The following SNX22 variants were observed in gnomAD, a reference collection of about 807,000 sequenced individuals.
SNX22 encodes sorting nexin 22.
A neutral mutation model predicts 24.7 loss-of-function variants in SNX22; 23 were observed. The ratio of observed to expected loss-of-function variants is 0.93; its 90% CI spans 0.67 to 1.32. The LOEUF is 1.32. SNX22 is among the 40% of genes most tolerant of loss of function. SNX22 has a pLI of 0.00. For missense variants in SNX22, 261 were observed against 249.9 expected (o/e 1.04, Z -0.30); for synonymous variants, 99 against 104.0 (o/e 0.95, Z 0.29).
At chr15:64,153,609 C>G (rs776532667) in intron 4 of SNX22, 43 bp from the exon 5 acceptor site, 17 of 1,613,798 alleles carry the variant, frequency 1.1e-5, no homozygotes, top group Admixed American at 5.0e-5. Context: ...CTCACGCTCC[C>G]CCGGCATCCC....
rs572442728 is a variant in SNX22 at position 64,153,478 on chromosome 15, AG to A, written c.359+143del. ...TCACCAGCTCTCTTGACCTGGGTGGAGGGGCTTTTTTTTGGACAGACTTGGT... is the reference window on the plus strand; with the variant it reads ...TCACCAGCTCTCTTGACCTGGGTGGAGGGCTTTTTTTTGGACAGACTTGGT... On this transcript the variant is annotated intron_variant, in intron 4 of 6. Transcript: ENST00000325881. 1.6e-4 allele frequency: 231 copies of A among 1,455,968 alleles called. 1 individual carries two copies. In the South Asian group the frequency reaches 1.8e-3, roughly 11 times the overall value. The allele number at this position is 1,455,968 out of a possible 1,614,324, so 90.2% of individuals were successfully genotyped here.
rs766644882 is a variant in SNX22, at chr15:64,152,747, G to A, written c.264+5G>A. Reference sequence around the variant, plus strand: ...GGCTTGGAGGCTTACATCCAGGTATGCGAGAGCACAGTTGGTTGCCCCCCG... The same window carrying A: ...GGCTTGGAGGCTTACATCCAGGTATACGAGAGCACAGTTGGTTGCCCCCCG... On this transcript the variant is annotated splice_donor_5th_base_variant and intron_variant, in intron 3 of 6. Transcript: ENST00000325881. The A allele has an allele frequency of 6.2e-7, 1 of 1,613,704 alleles. No individual in the cohort carries two copies. Among genetic ancestry groups the A allele is most frequent in the Non-Finnish European group, 8.5e-7 (1 of 1,179,642 alleles).
rs759317254 is a variant in SNX22 at position 64,154,956 on chromosome 15, CT to C, written c.*472del. On this transcript the variant is annotated 3_prime_UTR_variant, in exon 7 of 7. Coordinates refer to ENST00000325881, the MANE Select transcript of SNX22 (RefSeq NM_024798.3). Reference sequence around the variant, plus strand: ...TCGGGAAGCTGAGGTAGGAGAATCTCTTTTTTTTTTTTTTTTTTTTTTTTGA... The same window carrying C: ...TCGGGAAGCTGAGGTAGGAGAATCTCTTTTTTTTTTTTTTTTTTTTTTTGA... 0.07 allele frequency: 5,725 copies of C among 81,790 alleles called. 81 individuals carry two copies. The highest frequency in any genetic ancestry group is 0.14 in the African/African-American group (2,652 of 19,060). The allele number at this position is 81,790 out of a possible 1,614,324, so 5.1% of individuals were successfully genotyped here.
At chr15:64,153,738 T>A (rs2081504411) in intron 5 of SNX22, 54 bp downstream of exon 5, 1 of 1,612,204 alleles carries the variant, frequency 6.2e-7, no homozygotes. Flanking sequence ...AGTGGCCATA[T>A]GCTAGGAGGC....
At position 64,155,566 on chromosome 15, in the gene SNX22, G is replaced by A. The variant is rs879825466; in HGVS notation, c.*1058G>A. The A allele has an allele frequency of 4.4e-5, 8 of 183,320 alleles. No individual in the cohort carries two copies. The highest frequency in any genetic ancestry group is 6.8e-5 in the Non-Finnish European group (6 of 88,798). The allele number at this position is 183,320 out of a possible 1,614,324, so 11.4% of individuals were successfully genotyped here. A position where few individuals can be genotyped will look rare whatever the true frequency, so the allele number is the denominator to read the frequency against. ...TAGAGGTAGGCTATGAAAAAGTACA[G>A]ATACATCCCTTAACATAGACTGGAG... is the stretch of plus-strand genomic sequence containing the variant. On this transcript the variant is annotated 3_prime_UTR_variant, in exon 7 of 7. Transcript: ENST00000325881.
intron 6 of SNX22, 152 bp from the exon 7 acceptor site, chr15:64,154,235 T>G: frequency 6.3e-7 from 1 of 1,579,464 alleles, no homozygotes; most frequent in East Asian, 2.3e-5. Context: ...GAAAAGAATG[T>G]GACCTGGGAA....
At position 64,152,601 on chromosome 15, in the gene SNX22, C is replaced by A; in HGVS notation, c.160-37C>A. 4 of 1,588,004 alleles carry A rather than the reference C, an allele frequency of 2.5e-6. No individual in the cohort carries two copies. In the South Asian group the frequency reaches 3.3e-5, roughly 13 times the overall value. On this transcript the variant is annotated intron_variant, in intron 2 of 6. Coordinates refer to ENST00000325881, the MANE Select transcript of SNX22 (RefSeq NM_024798.3). ...GGCGAAGAGGGCTTGAGGGCTCAGT[C>A]GGGATGCTGTGATCGCACGCGGTAA...
chr15:64,151,751 C>T lies in SNX22; in HGVS notation c.-25C>T, dbSNP rs1435684410. ...GAGTTAGGGCTCCGAGCCGAGCGCG[C>T]GGAGCAGCTGGGGCCGGGGCGCGGA... On this transcript the variant is annotated 5_prime_UTR_variant, in exon 1 of 7. Coordinates refer to ENST00000325881, the MANE Select transcript of SNX22 (RefSeq NM_024798.3). 2 of 1,522,150 alleles carry T rather than the reference C, an allele frequency of 1.3e-6. No homozygotes were observed. Among genetic ancestry groups the T allele is most frequent in the South Asian group, 1.2e-5 (1 of 81,504 alleles). 94.3% of individuals were successfully genotyped at this position (1,522,150 alleles called of 1,614,324 possible).
At chr15:64,153,865 C>T (rs2081505169) in intron 5 of SNX22, 70 bp from the exon 6 acceptor site, 3 of 1,591,642 alleles carry the variant, frequency 1.9e-6, no homozygotes, top group Admixed American at 1.7e-5. Flanking sequence ...ATGGCAACCC[C>T]GTCTCCACCC....
Position 64,156,686 on chromosome 15 carries a change from G to A in SNX22, c.*2178G>A. ...CTGGGGTCTGTGTTGAATCCCCGGT[G>A]AGGATTGCCCAGTAGTAGCCCTTGC... On this transcript the variant is annotated 3_prime_UTR_variant, in exon 7 of 7. Transcript: ENST00000325881. The surrounding 1 kb of genome is among the most constrained non-coding windows in gnomAD (Gnocchi z 6.4). 6.2e-7 allele frequency: 1 copy of A among 1,611,662 alleles called. No homozygotes were observed. Among genetic ancestry groups the A allele is most frequent in the Non-Finnish European group, 8.5e-7 (1 of 1,177,744 alleles).
chr15:64,153,241 C>T lies in SNX22; in HGVS notation c.265-4C>T. The T allele has an allele frequency of 6.2e-7, 1 of 1,614,158 alleles. No homozygotes were observed. Among genetic ancestry groups the T allele is most frequent in the South Asian group, 1.1e-5 (1 of 91,078 alleles). On this transcript the variant is annotated splice_polypyrimidine_tract_variant and splice_region_variant and intron_variant, in intron 3 of 6. Transcript: ENST00000325881. Reference sequence around the variant, plus strand: ...TGATTGCAGGTCTCCTCTGTCCTCTCCAGGGCATCCTGTACCTGAACCAGG... The same window carrying T: ...TGATTGCAGGTCTCCTCTGTCCTCTTCAGGGCATCCTGTACCTGAACCAGG...
In SNX22 at chr15:64,156,361, AC is replaced by A. The variant is rs2081531473; in HGVS notation, c.*1856del. The A allele has an allele frequency of 2.1e-5, 15 of 703,598 alleles. No homozygotes were observed. In the South Asian group the frequency reaches 2.4e-4, roughly 11 times the overall value. 43.6% of individuals were successfully genotyped at this position (703,598 alleles called of 1,614,324 possible). A position where few individuals can be genotyped will look rare whatever the true frequency, so the allele number is the denominator to read the frequency against. On this transcript the variant is annotated 3_prime_UTR_variant, in exon 7 of 7. Coordinates refer to ENST00000325881, the MANE Select transcript of SNX22 (RefSeq NM_024798.3). The surrounding 1 kb of genome is among the most constrained non-coding windows in gnomAD (Gnocchi z 6.4). The stretch of plus-strand genomic sequence containing the variant: ...AGGAATTTTGTTCCTTTGAAGTAAG[AC>A]CCAGGTTGGGCCAAGGGTGAGGAGG...
chr15:64,153,413 C>A, intron 4 of SNX22, 74 bp downstream of exon 4: 1 of 1,596,750 alleles, frequency 6.3e-7, no homozygotes, highest in South Asian at 1.1e-5. Flanking sequence ...GAGGGCAAGC[C>A]CTTTCTTTTC....
rs780409157 is a variant in SNX22 at position 64,156,888 on chromosome 15, C to T, written c.*2380C>T. The T allele has an allele frequency of 2.5e-6, 4 of 1,614,136 alleles. No individual in the cohort carries two copies. Among genetic ancestry groups the T allele is most frequent in the South Asian group, 2.2e-5 (2 of 91,080 alleles). On this transcript the variant is annotated 3_prime_UTR_variant, in exon 7 of 7. Coordinates refer to ENST00000325881, the MANE Select transcript of SNX22 (RefSeq NM_024798.3). The surrounding 1 kb of genome is among the most constrained non-coding windows in gnomAD (Gnocchi z 6.4). ...CAGTTTGAAGTTCTCATCGGGGAAG[C>T]GCTCACCGTAGATGCTCTTTCCTGG...
chr15:64,152,555 C>T, intron 2 of SNX22, 83 bp from the exon 3 acceptor site: 3 of 1,388,072 alleles, frequency 2.2e-6, no homozygotes, highest in Non-Finnish European at 3.0e-6. Context: ...AAGGCGGGGG[C>T]GCGGGAGGGC....
intron 2 of SNX22, 48 bp from the exon 3 acceptor site, chr15:64,152,590 G>C (rs1288740856): frequency 6.4e-7 from 1 of 1,562,638 alleles, no homozygotes; most frequent in East Asian, 2.3e-5. Context: ...AAGAGGGCTT[G>C]AGGGCTCAGT....
At chr15:64,153,595 C>A in intron 4 of SNX22, 57 bp from the exon 5 acceptor site, 2 of 1,610,388 alleles carry the variant, frequency 1.2e-6, no homozygotes, top group Non-Finnish European at 1.7e-6. Context: ...GTCTCCACCC[C>A]TTCCTCACGC....
chr15:64,154,617 C>T lies in SNX22; in HGVS notation c.*109C>T, dbSNP rs1170650459. 2 of 1,401,766 alleles carry T rather than the reference C, an allele frequency of 1.4e-6. No individual in the cohort carries two copies. Among genetic ancestry groups the T allele is most frequent in the Non-Finnish European group, 1.9e-6 (2 of 1,030,010 alleles). 86.8% of individuals were successfully genotyped at this position (1,401,766 alleles called of 1,614,324 possible). On this transcript the variant is annotated 3_prime_UTR_variant, in exon 7 of 7. Coordinates refer to ENST00000325881, the MANE Select transcript of SNX22 (RefSeq NM_024798.3). Reference sequence around the variant, plus strand: ...GGCCTGGACCCAGGACTTAATTACCCAGTGCCCAGTTGTGCCACATTCCCA... The same window carrying T: ...GGCCTGGACCCAGGACTTAATTACCTAGTGCCCAGTTGTGCCACATTCCCA...
intron 6 of SNX22, 112 bp from the exon 7 acceptor site, chr15:64,154,275 G>A (rs1391614477): frequency 1.9e-6 from 3 of 1,580,828 alleles, no homozygotes; most frequent in Admixed American, 1.8e-5. Context: ...GTGGACAGCT[G>A]CTGTCTGCTG....
Sources: allele counts gnomAD v4.1 joint callset, GRCh38; gene constraint gnomAD v4.1.1; non-coding constraint Gnocchi (gnomAD v3.1); transcripts MANE v1.5; gene names NCBI Gene and HGNC (gene_info 2026-07-23, HGNC 2026-07-21).